Variants in SEMA5A observed in about 807,000 individuals in gnomAD.
SEMA5A encodes semaphorin-5A.
In SEMA5A, 55 loss-of-function variants were observed where a neutral mutation model predicts 135.5. That is an observed-to-expected ratio of 0.41 (90% confidence interval 0.33 to 0.51). The LOEUF (loss-of-function observed/expected upper bound fraction) is 0.51, where lower values mean the gene tolerates loss of function less well. SEMA5A is among the 20% of genes least tolerant of loss of function. The pLI is 0.37. For missense variants in SEMA5A, 1,290 were observed against 1,419.9 expected, an observed-to-expected ratio of 0.91 and a Z score of 1.47; for synonymous variants, 580 against 546.5, an observed-to-expected ratio of 1.06 and a Z score of -0.85.
intron 15 of SEMA5A, among the ~76,000 whole-genome samples, chr5:9,109,336 A>G (rs34116700): frequency 0.12 from 17,643 of 152,184 alleles, 1,578 homozygotes; most frequent in East Asian, 0.32. Context: ...CACCGCGCCC[A>G]GCCTTCTCTT....
intron 1 of SEMA5A, among the ~76,000 whole-genome samples, chr5:9,457,590 C>G (rs1367453933): frequency 6.6e-6 from 1 of 152,192 alleles, no homozygotes; most frequent in Non-Finnish European, 1.5e-5. Flanking sequence ...TGACTTTACC[C>G]ATCTGTGCCT....
chr5:9,040,121 G>T lies in SEMA5A; in HGVS notation c.*2776C>A, dbSNP rs990631978. The T allele has an allele frequency of 2.6e-5, 4 of 152,058 alleles. No homozygotes were observed. Among genetic ancestry groups the T allele is most frequent in the African/African-American group, 9.7e-5 (4 of 41,404 alleles). The allele number at this position is 152,058 out of a possible 1,614,324, so 9.4% of individuals were successfully genotyped here. ...AAGGTGTAGCTTAAAACTATGTGTT[G>T]GTTTTTGTTCCACTTGTACCAAGAA... On this transcript the variant is annotated 3_prime_UTR_variant, in exon 23 of 23. Transcript: ENST00000382496.
chr5:9,483,290 AC>A (rs762367742), intron 1 of SEMA5A, among the ~76,000 whole-genome samples: 2 of 151,116 alleles, frequency 1.3e-5, no homozygotes, highest in Non-Finnish European at 2.9e-5. Flanking sequence ...CTTTCCCCTT[AC>A]CCCCTCTCCC....
intron 7 of SEMA5A, 51 bp downstream of exon 7, chr5:9,226,818 T>G (rs1175349870): frequency 1.4e-6 from 2 of 1,391,302 alleles, no homozygotes; most frequent in African/African-American, 2.9e-5. Flanking sequence ...TTACACAATG[T>G]TTTGCCTCTT....
chr5:9,192,327 T>C (rs1420960848), intron 10 of SEMA5A, among the ~76,000 whole-genome samples: 2 of 152,254 alleles, frequency 1.3e-5, no homozygotes, highest in Non-Finnish European at 2.9e-5. Context: ...TCAGGGCTAC[T>C]GTGAGACCAG....
intron 14 of SEMA5A, among the ~76,000 whole-genome samples, chr5:9,120,890 T>C (rs1278261332): frequency 6.6e-6 from 1 of 152,014 alleles, no homozygotes; most frequent in African/African-American, 2.4e-5. Flanking sequence ...GAGATTCTCC[T>C]GCCTCAGCCT....
intron 5 of SEMA5A, among the ~76,000 whole-genome samples, chr5:9,302,333 C>A (rs1189013410): frequency 1.3e-5 from 2 of 152,138 alleles, no homozygotes; most frequent in East Asian, 3.9e-4. Context: ...AGAGTCCTGG[C>A]AATCCCAGAA....
At chr5:9,078,339 T>C (rs1328954714) in intron 16 of SEMA5A, among the ~76,000 whole-genome samples, 1 of 152,166 alleles carries the variant, frequency 6.6e-6, no homozygotes, top group Non-Finnish European at 1.5e-5. Flanking sequence ...ATACTATAAG[T>C]GCTTGAGAAC....
chr5:9,316,159 T>A (rs1166199532), intron 5 of SEMA5A, among the ~76,000 whole-genome samples: 1 of 152,186 alleles, frequency 6.6e-6, no homozygotes, highest in Non-Finnish European at 1.5e-5. Flanking sequence ...ACAATCAAAT[T>A]GCCCCAGATT....
chr5:9,459,393 G>A (rs928697137), intron 1 of SEMA5A, among the ~76,000 whole-genome samples: 5 of 152,204 alleles, frequency 3.3e-5, no homozygotes, highest in African/African-American at 7.2e-5. Flanking sequence ...CTCCCTGGCT[G>A]GCTTTTGGAT....
chr5:9,458,768 G>A (rs971597744), intron 1 of SEMA5A, among the ~76,000 whole-genome samples: 6 of 152,304 alleles, frequency 3.9e-5, no homozygotes, highest in African/African-American at 7.2e-5. Flanking sequence ...CTCGGAACAC[G>A]TATGAGCATC....
intron 12 of SEMA5A, among the ~76,000 whole-genome samples, chr5:9,142,141 C>T (rs13155922): frequency 0.11 from 16,581 of 152,100 alleles, 1,332 homozygotes; most frequent in East Asian, 0.3. Flanking sequence ...TGATAAATAT[C>T]AACAACCAGT....
chr5:9,385,894 C>T (rs1439219345), intron 2 of SEMA5A, among the ~76,000 whole-genome samples: 4 of 150,618 alleles, frequency 2.7e-5, no homozygotes, highest in East Asian at 2.0e-4. Flanking sequence ...CTCTGCCTCC[C>T]GGGTTCAAGC....
intron 13 of SEMA5A, among the ~76,000 whole-genome samples, chr5:9,130,951 A>G (rs955982885): frequency 1.3e-4 from 20 of 152,304 alleles, no homozygotes; most frequent in African/African-American, 4.8e-4. Context: ...CTGCCATCTA[A>G]AAGAGGGCTC....
At chr5:9,267,032 A>G (rs1041199021) in intron 5 of SEMA5A, among the ~76,000 whole-genome samples, 1 of 152,208 alleles carries the variant, frequency 6.6e-6, no homozygotes, top group Non-Finnish European at 1.5e-5. Flanking sequence ...AAGACGTGAT[A>G]TACCTTACAG....
chr5:9,134,228 C>T lies in SEMA5A; in HGVS notation c.1599+2276G>A, dbSNP rs1741604107. ...TGGCATGATCTCGGTTCACCACAGC[C>T]TCAAACTCTTAGGCTCAAGCAATCC... On this transcript the variant is annotated intron_variant, in intron 13 of 22. Transcript: ENST00000382496. Among the ~76,000 whole-genome samples, 3 of 152,214 alleles carry T rather than the reference C, an allele frequency of 2.0e-5. No homozygotes were observed. The South Asian group carries it at 6.2e-4, about 32-fold the overall frequency.
At chr5:9,379,004 G>A (rs1247781630) in intron 3 of SEMA5A, among the ~76,000 whole-genome samples, 1 of 152,044 alleles carries the variant, frequency 6.6e-6, no homozygotes, top group African/African-American at 2.4e-5. Context: ...AGATGAAAAA[G>A]GATGGGGATG....
chr5:9,078,997 A>T (rs1045805439), intron 16 of SEMA5A, among the ~76,000 whole-genome samples: 2 of 152,098 alleles, frequency 1.3e-5, no homozygotes, highest in African/African-American at 4.8e-5. Flanking sequence ...AAATATAAAA[A>T]ATATAAATAC....
chr5:9,154,790 T>C (rs2150262796), intron 11 of SEMA5A, 95 bp from the exon 12 acceptor site: 1 of 1,111,614 alleles, frequency 9.0e-7, no homozygotes, highest in Non-Finnish European at 1.3e-6. Flanking sequence ...CAGCCATGGA[T>C]CTTCAGCCAG....
Sources: gnomAD v4.1 joint callset for allele counts (sites outside exome capture counted in the v4.1 genomes callset) on GRCh38, gnomAD v4.1.1 for gene constraint, MANE v1.5 for transcripts, NCBI Gene and HGNC (gene_info 2026-07-23, HGNC 2026-07-21) for gene names.